Variants in SAMMSON observed in about 807,000 individuals in gnomAD.
SAMMSON encodes long intergenic non-protein coding RNA 1212.
chr3:70,423,493 G>A (rs773925102), intron 2 of SAMMSON, among the ~76,000 whole-genome samples: 10 of 152,160 alleles, frequency 6.6e-5, no homozygotes, highest in African/African-American at 2.2e-4. Context: ...TAGCGTCTGC[G>A]TTTCCAGATT....
intron 4 of SAMMSON, chr3:70,184,323 T>C (rs1701075804): frequency 6.6e-6 from 1 of 152,186 alleles, no homozygotes; most frequent in Non-Finnish European, 1.5e-5. Flanking sequence ...GCCTTTACTA[T>C]TGCCCTGTGA....
downstream of SAMMSON, among the ~76,000 whole-genome samples, chr3:70,390,704 C>T (rs561334519): frequency 6.6e-6 from 1 of 152,186 alleles, no homozygotes; most frequent in East Asian, 1.9e-4. Context: ...TCCATCACCT[C>T]CACCATCAGG....
intron 4 of SAMMSON, among the ~76,000 whole-genome samples, chr3:70,181,421 A>G (rs1262304108): frequency 6.6e-6 from 1 of 152,152 alleles, no homozygotes; most frequent in Non-Finnish European, 1.5e-5. Context: ...TTGGAGAGGG[A>G]TGTGGCCTAA....
At chr3:70,228,180 A>G (rs1045132762) in intron 4 of SAMMSON, among the ~76,000 whole-genome samples, 1 of 152,090 alleles carries the variant, frequency 6.6e-6, no homozygotes, top group African/African-American at 2.4e-5. Context: ...TAGAGGTTTT[A>G]GTATCAAGAA....
chr3:70,104,277 C>CTAA (rs1222277061), intron 4 of SAMMSON, among the ~76,000 whole-genome samples: 1 of 146,936 alleles, frequency 6.8e-6, no homozygotes, highest in African/African-American at 2.5e-5. Context: ...TTTTTTTTTT[C>CTAA]CTACGCTGCG....
At chr3:70,185,226 C>T (rs891498629) in intron 4 of SAMMSON, among the ~76,000 whole-genome samples, 2 of 152,172 alleles carry the variant, frequency 1.3e-5, no homozygotes, top group East Asian at 3.9e-4. Context: ...AAAGCCTTAA[C>T]TGGATTTGCC....
chr3:70,367,092 C>A (rs1702928033), intron 9 of SAMMSON, among the ~76,000 whole-genome samples: 1 of 151,608 alleles, frequency 6.6e-6, no homozygotes, highest in African/African-American at 2.4e-5. Context: ...CAAATTCATA[C>A]AGTAAGCAAT....
chr3:70,367,859 C>G (rs1030416693), intron 9 of SAMMSON, among the ~76,000 whole-genome samples: 1 of 151,484 alleles, frequency 6.6e-6, no homozygotes, highest in African/African-American at 2.4e-5. Flanking sequence ...ACTAGAGTCC[C>G]CCTTTCTCCG....
Position 70,067,794 on chromosome 3 carries a change from T to C in SAMMSON, n.418-3682T>C, listed in dbSNP as rs2067215605. 3.9e-5 allele frequency among the ~76,000 whole-genome samples: 6 copies of C among 152,226 alleles called. No homozygotes were observed. In the South Asian group the frequency reaches 1.2e-3, roughly 32 times the overall value. On this transcript the variant is annotated intron_variant and non_coding_transcript_variant, in intron 3 of 9. Transcript: ENST00000642114. ...AATTTTCATGCCAGAGGTTGCCTTATAGTAATGTGGGGTGAATAACTCATT... is the reference window on the plus strand; with the variant it reads ...AATTTTCATGCCAGAGGTTGCCTTACAGTAATGTGGGGTGAATAACTCATT...
At chr3:70,259,162 TC>T (rs1188536781) in intron 6 of SAMMSON, among the ~76,000 whole-genome samples, 6 of 152,154 alleles carry the variant, frequency 3.9e-5, no homozygotes, top group African/African-American at 1.2e-4. Flanking sequence ...TCATATGTGG[TC>T]CTTTTTCCAG....
At chr3:70,095,406 A>T (rs933621047) in intron 4 of SAMMSON, among the ~76,000 whole-genome samples, 1 of 152,048 alleles carries the variant, frequency 6.6e-6, no homozygotes, top group African/African-American at 2.4e-5. Flanking sequence ...ATTTTCCTTT[A>T]TTTCCATGCT....
At chr3:70,190,679 C>T (rs1031555844) in intron 4 of SAMMSON, among the ~76,000 whole-genome samples, 15 of 152,142 alleles carry the variant, frequency 9.9e-5, no homozygotes, top group African/African-American at 1.4e-4. Flanking sequence ...ATTATAAATG[C>T]GTAACAAGGA....
At chr3:70,428,569 G>A (rs2106778567) in intron 2 of SAMMSON, among the ~76,000 whole-genome samples, 1 of 152,290 alleles carries the variant, frequency 6.6e-6, no homozygotes, top group Non-Finnish European at 1.5e-5. Flanking sequence ...TAATGCGAGT[G>A]TTGTATTCTA....
At chr3:70,129,704 A>C (rs1392332200) in intron 4 of SAMMSON, among the ~76,000 whole-genome samples, 1 of 152,176 alleles carries the variant, frequency 6.6e-6, no homozygotes, top group African/African-American at 2.4e-5. Flanking sequence ...AGCTAGTTGC[A>C]GCAGATTGTA....
chr3:70,088,392 C>T (rs1055414790), intron 4 of SAMMSON, among the ~76,000 whole-genome samples: 2 of 152,126 alleles, frequency 1.3e-5, no homozygotes, highest in Non-Finnish European at 2.9e-5. Flanking sequence ...AAGGGAAAAC[C>T]ATGATATTAC....
intron 9 of SAMMSON, among the ~76,000 whole-genome samples, chr3:70,389,076 C>T (rs73108553): frequency 0.091 from 13,868 of 152,022 alleles, 807 homozygotes; most frequent in East Asian, 0.33. Context: ...TGCCGTGGGA[C>T]CTCTTTGCAC....
chr3:70,017,900 A>G (rs1559773447), intron 3 of SAMMSON, among the ~76,000 whole-genome samples: 1 of 152,082 alleles, frequency 6.6e-6, no homozygotes, highest in Non-Finnish European at 1.5e-5. Flanking sequence ...TGATTTGCAT[A>G]TGTTGAACCA....
chr3:70,323,500 C>T (rs1296371546), intron 7 of SAMMSON, among the ~76,000 whole-genome samples: 1 of 152,168 alleles, frequency 6.6e-6, no homozygotes, highest in African/African-American at 2.4e-5. Context: ...TAAGCTGGTA[C>T]ATGCAGCCAT....
At chr3:70,133,366 G>T (rs1439582338) in intron 4 of SAMMSON, among the ~76,000 whole-genome samples, 1 of 152,192 alleles carries the variant, frequency 6.6e-6, no homozygotes, top group Non-Finnish European at 1.5e-5. Flanking sequence ...AGGATGACCT[G>T]CTGGAGAAGG....
Sources: gnomAD v4.1 joint callset for allele counts (sites outside exome capture counted in the v4.1 genomes callset) on GRCh38, gnomAD v4.1.1 for gene constraint, MANE v1.5 for transcripts, NCBI Gene and HGNC (gene_info 2026-07-23, HGNC 2026-07-21) for gene names.